CALCB: variants seen among roughly 807,000 people sequenced by gnomAD.
CALCB encodes calcitonin related polypeptide beta.
A neutral mutation model predicts 10.7 loss-of-function variants in CALCB; 8 were observed. The observed-to-expected ratio is 0.75, with a 90% CI of 0.44 to 1.34. The LOEUF (loss-of-function observed/expected upper bound fraction) is 1.34, where lower values mean the gene tolerates loss of function less well. CALCB is among the 40% of genes most tolerant of loss of function. The probability of loss-of-function intolerance (pLI) is 0.01; values close to 1 mark genes in which losing one functional copy is unlikely to be tolerated. For missense variants in CALCB, 176 were observed against 162.5 expected, an observed-to-expected ratio of 1.08 and a Z score of -0.45; for synonymous variants, 76 against 66.9, an observed-to-expected ratio of 1.14 and a Z score of -0.66.
chr11:15,074,358 G>C (rs1430319367), intron 1 of CALCB, among the ~76,000 whole-genome samples: 1 of 152,248 alleles, frequency 6.6e-6, no homozygotes, highest in Non-Finnish European at 1.5e-5. Context: ...GAGAAGGGGA[G>C]AGCAGGTCTA....
chr11:15,076,497 C>T (rs368715787), intron 3 of CALCB, among the ~76,000 whole-genome samples: 1 of 152,062 alleles, frequency 6.6e-6, no homozygotes. Context: ...TTTTGAAGAC[C>T]TCAGGATGGA....
chr11:15,075,440 C>A (rs1272979278), intron 3 of CALCB, among the ~76,000 whole-genome samples: 1 of 152,122 alleles, frequency 6.6e-6, no homozygotes, highest in Admixed American at 6.5e-5. Context: ...GATGTAGAAG[C>A]TTTTTCTAGA....
chr11:15,076,667 T>A (rs1850397854), intron 3 of CALCB, among the ~76,000 whole-genome samples: 2 of 152,198 alleles, frequency 1.3e-5, no homozygotes, highest in Admixed American at 6.5e-5. Context: ...ATTAGATGAA[T>A]CAATCTATTT....
intron 3 of CALCB, among the ~76,000 whole-genome samples, chr11:15,076,267 G>A (rs186625004): frequency 6.6e-6 from 1 of 152,238 alleles, no homozygotes; most frequent in East Asian, 1.9e-4. Flanking sequence ...ATGTTCCCTG[G>A]CATCAACTTC....
chr11:15,077,298 G>A lies in CALCB; in HGVS notation c.237G>A (p.Gln79=). Residue 79 remains glutamine, a synonymous_variant, in exon 4 of 5, where the codon CAG becomes CAA. Transcript: ENST00000324229. ...TCTTGCAAATCAGCTCCGCTGCCCA[G>A]AAGAGAGCCTGCAACACTGCCACCT... ...QETQGSSSAA[Q]KRACNTATCV... 6.2e-7 allele frequency: 1 copy of A among 1,614,168 alleles called. No individual in the cohort carries two copies. The highest frequency in any genetic ancestry group is 1.3e-5 in the African/African-American group (1 of 75,050).
chr11:15,074,261 A>G (rs1461455976), intron 1 of CALCB, among the ~76,000 whole-genome samples: 2 of 152,262 alleles, frequency 1.3e-5, no homozygotes, highest in Admixed American at 6.5e-5. Flanking sequence ...CCCAGTTCCA[A>G]GACTGAGAAA....
At chr11:15,077,546 C>A in intron 4 of CALCB, 76 bp downstream of exon 4, 3 of 1,433,892 alleles carry the variant, frequency 2.1e-6, no homozygotes, top group South Asian at 1.3e-5. Flanking sequence ...AACCTCTGCT[C>A]TGGTAGGTTC....
intron 2 of CALCB, 103 bp from the exon 3 acceptor site, chr11:15,074,958 C>T: frequency 6.7e-7 from 1 of 1,493,114 alleles, no homozygotes; most frequent in Non-Finnish European, 9.3e-7. Flanking sequence ...GCGGTGGCCA[C>T]ATCCCCAGGG....
chr11:15,075,024 G>A (rs766230982), intron 2 of CALCB, 37 bp from the exon 3 acceptor site: 32 of 1,612,436 alleles, frequency 2.0e-5, no homozygotes, highest in South Asian at 1.9e-4. Flanking sequence ...TCAGTCAGGG[G>A]CTCACAGCCT....
rs566086041 is a variant in CALCB, at chr11:15,078,270, T to G, written c.*213T>G. 92 of 152,370 alleles carry G rather than the reference T, an allele frequency of 6.0e-4. 1 individual carries two copies. Among genetic ancestry groups the G allele is most frequent in the African/African-American group, 2.0e-3 (82 of 41,594 alleles). 9.4% of individuals were successfully genotyped at this position (152,370 alleles called of 1,614,324 possible). A position where few individuals can be genotyped will look rare whatever the true frequency, so the allele number is the denominator to read the frequency against. On this transcript the variant is annotated 3_prime_UTR_variant, in exon 5 of 5. Coordinates refer to ENST00000324229, the MANE Select transcript of CALCB (RefSeq NM_000728.4). ...ATATTTGCTGTGCATCATTTTTATATTTAATTCTATGTCCAGTAAAAGTGA... is the reference window on the plus strand; with the variant it reads ...ATATTTGCTGTGCATCATTTTTATAGTTAATTCTATGTCCAGTAAAAGTGA...
intron 1 of CALCB, among the ~76,000 whole-genome samples, chr11:15,073,990 G>T (rs1850371504): frequency 6.6e-6 from 1 of 152,264 alleles, no homozygotes; most frequent in African/African-American, 2.4e-5. Context: ...GTCCGGGAGC[G>T]CCCTGCGCCG....
Position 15,075,186 on chromosome 11 carries a change from C to G in CALCB, c.212C>G (p.Thr71Arg). The change falls in exon 3 of 5, where the codon ACA becomes AGA. Residue 71 changes from threonine (T) to arginine (R), a missense_variant. Thr to Arg is a moderately conservative substitution (Grantham distance 71, BLOSUM62 -1). Transcript: ENST00000324229. ...AGTGAGCTGAAGCAGGAGCAGGAGA[C>G]ACAGGGCTCCAGGTGAGGTTCCCCA... ...KASELKQEQE[T>R]QGSSSAAQKR... is the part of the protein sequence containing the mutation. 3 of 1,614,144 alleles carry G rather than the reference C, an allele frequency of 1.9e-6. No homozygotes were observed. Among genetic ancestry groups the G allele is most frequent in the Non-Finnish European group, 2.5e-6 (3 of 1,180,024 alleles).
intron 2 of CALCB, 48 bp downstream of exon 2, chr11:15,074,852 G>A (rs767618344): frequency 1.3e-6 from 2 of 1,532,888 alleles, no homozygotes; most frequent in Non-Finnish European, 1.8e-6. Flanking sequence ...ACTGCCCCTA[G>A]GACCAGACAG....
In CALCB at chr11:15,074,099, G is replaced by A. The variant is rs371114941; in HGVS notation, c.-10+436G>A. Among the ~76,000 whole-genome samples the A allele has an allele frequency of 7.7e-4, 118 of 152,362 alleles. 2 individuals carry two copies. Among genetic ancestry groups the A allele is most frequent in the African/African-American group, 2.8e-3 (115 of 41,596 alleles). On this transcript the variant is annotated intron_variant, in intron 1 of 4. Coordinates refer to ENST00000324229, the MANE Select transcript of CALCB (RefSeq NM_000728.4). Reference sequence around the variant, plus strand: ...GTGAGCCTTCCCGGGATTCCGGTCCGGATCTAAGGCAGTGTTGTTAGCGGA... The same window carrying A: ...GTGAGCCTTCCCGGGATTCCGGTCCAGATCTAAGGCAGTGTTGTTAGCGGA...
chr11:15,077,808 T>C (rs920680611), intron 4 of CALCB, among the ~76,000 whole-genome samples: 1 of 152,238 alleles, frequency 6.6e-6, no homozygotes, highest in African/African-American at 2.4e-5. Context: ...GGATAAGCTG[T>C]AATCATAACC....
At chr11:15,076,394 C>T (rs1323582958) in intron 3 of CALCB, among the ~76,000 whole-genome samples, 1 of 152,230 alleles carries the variant, frequency 6.6e-6, no homozygotes, top group African/African-American at 2.4e-5. Flanking sequence ...CCTGATTCCC[C>T]TTCTTGCTCC....
chr11:15,073,854 C>T (rs1482622636), intron 1 of CALCB, among the ~76,000 whole-genome samples, 191 bp downstream of exon 1: 1 of 152,268 alleles, frequency 6.6e-6, no homozygotes, highest in East Asian at 1.9e-4. Flanking sequence ...TTTCTCCTAC[C>T]AGTGCGAGAG....
chr11:15,074,998 C>T, intron 2 of CALCB, 63 bp from the exon 3 acceptor site: 4 of 1,588,100 alleles, frequency 2.5e-6, no homozygotes, highest in Non-Finnish European at 3.5e-6. Context: ...AGCCTGGCTG[C>T]CTATCCTGGG....
Position 15,074,629 on chromosome 11 carries a change from G to A in CALCB, c.-9-81G>A, listed in dbSNP as rs142478910. 5,103 of 1,077,346 alleles carry A rather than the reference G, an allele frequency of 4.7e-3. 24 individuals carry two copies. Among genetic ancestry groups the A allele is most frequent in the Non-Finnish European group, 5.9e-3 (4,205 of 717,644 alleles). The allele number at this position is 1,077,346 out of a possible 1,614,324, so 66.7% of individuals were successfully genotyped here. A position where few individuals can be genotyped will look rare whatever the true frequency, so the allele number is the denominator to read the frequency against. Reference sequence around the variant, plus strand: ...AGGCAGCTGAAGTAACGTGCCTAAGGTCACATGGCAGTTGTGGCAGAGGCA... The same window carrying A: ...AGGCAGCTGAAGTAACGTGCCTAAGATCACATGGCAGTTGTGGCAGAGGCA... On this transcript the variant is annotated intron_variant, in intron 1 of 4. Transcript: ENST00000324229.
Sources: allele counts gnomAD v4.1 joint callset (sites outside exome capture counted in the v4.1 genomes callset), GRCh38; gene constraint gnomAD v4.1.1; transcripts MANE v1.5; gene names NCBI Gene and HGNC (gene_info 2026-07-23, HGNC 2026-07-21).